Variants in KIDINS220 observed in about 807,000 individuals in gnomAD.
The protein encoded by KIDINS220 is kinase D interacting substrate 220, also known as kinase D-interacting substrate of 220 kDa.
Under a neutral mutation model 157.6 loss-of-function variants are expected in KIDINS220, and 63 were observed. The observed-to-expected ratio is 0.40, with a 90% confidence interval of 0.33 to 0.49. The LOEUF (loss-of-function observed/expected upper bound fraction) is 0.49, where lower values mean the gene tolerates loss of function less well. Ranked by LOEUF, KIDINS220 falls within the 20% of genes least tolerant of loss-of-function variation. The pLI is 0.66. For synonymous variants in KIDINS220, 732 were observed against 783.6 expected (o/e 0.93, Z 1.10); for missense variants, 1,772 against 2,171.2 (o/e 0.82, Z 3.65).
chr2:8,750,114 T>G lies in KIDINS220; in HGVS notation c.3412A>C (p.Arg1138=). The G allele has an allele frequency of 6.2e-7, 1 of 1,613,136 alleles. No homozygotes were observed. Among genetic ancestry groups the G allele is most frequent in the Non-Finnish European group, 8.5e-7 (1 of 1,179,304 alleles). ...AAAGCTGCCTCCAACTTCCTTACCC[T>G]GTTGTAGAAGGGATGCTGAGGGCCC... is the stretch of plus-strand genomic sequence containing the variant. The part of the protein sequence containing the change: ...MTGPQHPFYN[R]PFFAPYLYTP... The change falls in exon 24 of 30, where the codon AGG becomes CGG. Residue 1138 remains arginine (R), a splice_region_variant and synonymous_variant. Coordinates refer to ENST00000256707, the MANE Select transcript of KIDINS220 (RefSeq NM_020738.4).
chr2:8,812,677 A>G (rs1311658702), intron 5 of KIDINS220, among the ~76,000 whole-genome samples, 184 bp from the exon 6 acceptor site: 2 of 152,244 alleles, frequency 1.3e-5, no homozygotes, highest in Admixed American at 1.3e-4. Flanking sequence ...AAATCAGATT[A>G]CAAACCATTC....
chr2:8,770,900 G>C (rs1475624804), intron 21 of KIDINS220, 68 bp from the exon 22 acceptor site: 3 of 873,212 alleles, frequency 3.4e-6, no homozygotes, highest in South Asian at 2.9e-5. Flanking sequence ...AAAACATTTA[G>C]TATATTCACA....
intron 2 of KIDINS220, among the ~76,000 whole-genome samples, chr2:8,821,261 CATT>C (rs1292041843): frequency 6.6e-6 from 1 of 151,854 alleles, no homozygotes; most frequent in East Asian, 1.9e-4. Context: ...TTAGAATTGT[CATT>C]ATTTTCTCTT....
Position 8,730,507 on chromosome 2 carries a change from C to T in KIDINS220, c.*213G>A, listed in dbSNP as rs148425610. On this transcript the variant is annotated 3_prime_UTR_variant, in exon 30 of 30. Coordinates refer to ENST00000256707, the MANE Select transcript of KIDINS220 (RefSeq NM_020738.4). ...ACAGTAGTATTAGTGAGTTCTGAAG[C>T]TTCTAATTACAAAGACCACAGAGGC... 397 of 1,416,240 alleles carry T rather than the reference C, an allele frequency of 2.8e-4. 5 individuals carry two copies. The Admixed American group carries it at 8.7e-3, about 31-fold the overall frequency. 87.7% of individuals were successfully genotyped at this position (1,416,240 alleles called of 1,614,324 possible).
At chr2:8,736,123 C>G (rs1020194649) in intron 27 of KIDINS220, among the ~76,000 whole-genome samples, 1 of 152,190 alleles carries the variant, frequency 6.6e-6, no homozygotes, top group Non-Finnish European at 1.5e-5. Context: ...GCTCATAATT[C>G]TTTAAAAAAC....
intron 20 of KIDINS220, 103 bp downstream of exon 20, chr2:8,778,536 T>G: frequency 1.2e-6 from 1 of 841,894 alleles, no homozygotes. Flanking sequence ...ATTTGAAGCG[T>G]TTAATGCAAT....
chr2:8,725,934 A>G (rs1232258868), downstream of KIDINS220, among the ~76,000 whole-genome samples: 4 of 152,358 alleles, frequency 2.6e-5, no homozygotes, highest in East Asian at 3.9e-4. Context: ...AAAAGCATTT[A>G]ACCTAAGAAA....
At chr2:8,790,089 T>C in intron 13 of KIDINS220, 30 bp from the exon 14 acceptor site, 1 of 1,561,398 alleles carries the variant, frequency 6.4e-7, no homozygotes, top group Non-Finnish European at 8.6e-7. Flanking sequence ...GAAACCTTAT[T>C]CCTGTTTTGT....
At chr2:8,827,434 G>C (rs1678970958) in intron 1 of KIDINS220, among the ~76,000 whole-genome samples, 2 of 152,126 alleles carry the variant, frequency 1.3e-5, no homozygotes, top group South Asian at 4.1e-4. Context: ...GTAAACGGCA[G>C]CTCCAGGTCC....
At position 8,785,890 on chromosome 2, in the gene KIDINS220, T is replaced by G; in HGVS notation, c.2080A>C (p.Ile694Leu). 2 of 1,614,180 alleles carry G rather than the reference T, an allele frequency of 1.2e-6. No homozygotes were observed. Among genetic ancestry groups the G allele is most frequent in the African/African-American group, 1.3e-5 (1 of 75,046 alleles). Residue 694 changes from isoleucine to leucine, a missense_variant, in exon 17 of 30, where the codon ATA becomes CTA. Coordinates refer to ENST00000256707, the MANE Select transcript of KIDINS220 (RefSeq NM_020738.4). ...PKHLTVNAVL[I>L]SIASVVGLAF... ...AATCCCACTACAGATGCGATTGATA[T>G]GAGGACAGCATTTACAGTCAGATGC...
chr2:8,726,788 C>T (rs1663366443), downstream of KIDINS220: 1 of 487,308 alleles, frequency 2.1e-6, no homozygotes, highest in Non-Finnish European at 3.7e-6. Flanking sequence ...GTATTAGAAT[C>T]TTATGGGCCC....
intron 12 of KIDINS220, among the ~76,000 whole-genome samples, chr2:8,792,782 C>G (rs560508107): frequency 6.6e-6 from 1 of 152,076 alleles, no homozygotes; most frequent in African/African-American, 2.4e-5. Flanking sequence ...AGAAAATAAT[C>G]CTAATTGTAC....
chr2:8,819,701 T>C (rs1324445725), intron 2 of KIDINS220, among the ~76,000 whole-genome samples: 2 of 152,064 alleles, frequency 1.3e-5, no homozygotes, highest in African/African-American at 4.8e-5. Context: ...AGCACACGCC[T>C]GTAATCCCAG....
rs778633437 is a variant in KIDINS220 at position 8,779,676 on chromosome 2, T to C, written c.2368A>G (p.Thr790Ala). 3.1e-6 allele frequency: 5 copies of C among 1,613,440 alleles called. No homozygotes were observed. The highest frequency in any genetic ancestry group is 1.3e-5 in the African/African-American group (1 of 75,054). Residue 790 changes from threonine to alanine, a missense_variant and splice_region_variant, in exon 18 of 30, where the codon ACT (threonine) becomes GCT (alanine). By Grantham distance (58) the Thr-to-Ala change is moderately conservative. Transcript: ENST00000256707. ...CTTTTGAGGTGGCGCAAACGTACAG[T>C]GTCCAGCATCTGAAGGACTTTGTCC... ...EQDKVLQMLD[T>A]VRVLFSKGPF...
intron 2 of KIDINS220, among the ~76,000 whole-genome samples, chr2:8,819,313 A>G (rs1677557794): frequency 6.6e-6 from 1 of 152,220 alleles, no homozygotes; most frequent in South Asian, 2.1e-4. Context: ...ATTAAACTAA[A>G]TAAAGCTCCT....
intron 8 of KIDINS220, among the ~76,000 whole-genome samples, chr2:8,802,391 G>T (rs1340950796): frequency 6.6e-6 from 1 of 152,150 alleles, no homozygotes; most frequent in Non-Finnish European, 1.5e-5. Flanking sequence ...GACAGATAAA[G>T]GATTTGTTTT....
intron 26 of KIDINS220, chr2:8,746,898 TA>T (rs952255237): frequency 3.2e-4 from 141 of 435,132 alleles, no homozygotes; most frequent in Middle Eastern, 6.0e-4. Flanking sequence ...TATTGAAGAA[TA>T]AAAAAAAACC....
intron 11 of KIDINS220, among the ~76,000 whole-genome samples, chr2:8,796,206 T>C (rs145613554): frequency 6.6e-6 from 1 of 152,326 alleles, no homozygotes; most frequent in African/African-American, 2.4e-5. Flanking sequence ...AGTTCACTTC[T>C]ATCCTGGGGG....
rs1172367276 is a variant in KIDINS220, at chr2:8,793,186, A to G, written c.1276+624T>C. On this transcript the variant is annotated intron_variant, in intron 12 of 29. Transcript: ENST00000256707. ...CACATTACTATTATAATAAGAAAAAATATTTTAAAATACAAAAAGTCATAA... is the reference window on the plus strand; with the variant it reads ...CACATTACTATTATAATAAGAAAAAGTATTTTAAAATACAAAAAGTCATAA... Among the ~76,000 whole-genome samples, 4 of 152,212 alleles carry G rather than the reference A, an allele frequency of 2.6e-5. No homozygotes were observed. In the South Asian group the frequency reaches 6.2e-4, roughly 24 times the overall value.
Sources: allele counts gnomAD v4.1 joint callset (sites outside exome capture counted in the v4.1 genomes callset), GRCh38; gene constraint gnomAD v4.1.1; transcripts MANE v1.5; gene names NCBI Gene and HGNC (gene_info 2026-07-23, HGNC 2026-07-21).